The following SEMA3A variants were observed in gnomAD, a reference collection of about 807,000 sequenced individuals.
The protein encoded by SEMA3A is semaphorin-3A.
Under a neutral mutation model 97.9 loss-of-function variants are expected in SEMA3A, and 29 were observed. The ratio of observed to expected loss-of-function variants is 0.30; its 90% CI spans 0.22 to 0.40. SEMA3A has a LOEUF of 0.40. Among genes scored for constraint, SEMA3A ranks in the 10% least tolerant of loss-of-function variants. The pLI is 1.00. For synonymous variants in SEMA3A, 321 were observed against 323.7 expected (o/e 0.99, Z 0.09); for missense variants, 763 against 951.3 (o/e 0.80, Z 2.60).
intron 1 of SEMA3A, among the ~76,000 whole-genome samples, chr7:84,400,573 C>T (rs1381958926): frequency 6.6e-6 from 1 of 152,032 alleles, no homozygotes; most frequent in African/African-American, 2.4e-5. Flanking sequence ...AGTCAGGATA[C>T]TTGAAAGTTA....
intron 1 of SEMA3A, among the ~76,000 whole-genome samples, chr7:84,158,915 G>C (rs540390213): frequency 3.3e-5 from 5 of 152,110 alleles, no homozygotes; most frequent in African/African-American, 1.2e-4. Flanking sequence ...AGTTTCTGTA[G>C]ATGACAAGCA....
At chr7:84,005,665 A>G in intron 10 of SEMA3A, 107 bp from the exon 11 acceptor site, 1 of 767,248 alleles carries the variant, frequency 1.3e-6, no homozygotes, top group East Asian at 2.8e-5. Context: ...ATAGTAGTGC[A>G]GGCCAGGTAT....
intron 2 of SEMA3A, among the ~76,000 whole-genome samples, chr7:84,131,444 T>C (rs1257239888): frequency 6.6e-6 from 1 of 152,174 alleles, no homozygotes; most frequent in Non-Finnish European, 1.5e-5. Flanking sequence ...CTTCCACTCA[T>C]GGCAGGCCCA....
In SEMA3A at chr7:84,046,531, T is replaced by C. The variant is rs1792359776; in HGVS notation, c.548-88A>G. 4 of 1,483,664 alleles carry C rather than the reference T, an allele frequency of 2.7e-6. No individual in the cohort carries two copies. In the South Asian group the frequency reaches 3.6e-5, roughly 13 times the overall value. The allele number at this position is 1,483,664 out of a possible 1,614,324, so 91.9% of individuals were successfully genotyped here. Reference sequence around the variant, plus strand: ...CAAAACAAACAAAATGCAAGTTTCATGTTATGACCATGCTAAGAGGAAAAC... The same window carrying C: ...CAAAACAAACAAAATGCAAGTTTCACGTTATGACCATGCTAAGAGGAAAAC... On this transcript the variant is annotated intron_variant, in intron 5 of 16. Transcript: ENST00000265362.
chr7:84,144,073 A>G (rs1796394625), intron 1 of SEMA3A, among the ~76,000 whole-genome samples: 1 of 151,890 alleles, frequency 6.6e-6, no homozygotes, highest in Admixed American at 6.6e-5. Context: ...AGTGAAAGGT[A>G]TGAATACCAG....
At chr7:84,166,516 A>G (rs1193140450) in intron 1 of SEMA3A, among the ~76,000 whole-genome samples, 2 of 149,218 alleles carry the variant, frequency 1.3e-5, no homozygotes, top group Non-Finnish European at 3.0e-5. Context: ...GGTTGCAGTG[A>G]GCCGAGATTG....
rs556839277 is a variant in SEMA3A at position 84,138,118 on chromosome 7, C to T, written c.113-3167G>A. ...CTAGTAAGCACTCAATTAAATATTT[C>T]CTGTTTGTATAAGTAGAAGTTAAAT... On this transcript the variant is annotated intron_variant, in intron 1 of 16. Transcript: ENST00000265362. Among the ~76,000 whole-genome samples, 13 of 152,222 alleles carry T rather than the reference C, an allele frequency of 8.5e-5. No homozygotes were observed. The South Asian group carries it at 2.3e-3, about 27-fold the overall frequency.
chr7:83,963,547 G>C (rs1474496873), intron 15 of SEMA3A, among the ~76,000 whole-genome samples, 200 bp from the exon 16 acceptor site: 1 of 152,158 alleles, frequency 6.6e-6, no homozygotes, highest in Non-Finnish European at 1.5e-5. Context: ...ATTTTGGTAT[G>C]GGTTATATAA....
At chr7:84,436,892 T>G (rs902636317) in intron 1 of SEMA3A, among the ~76,000 whole-genome samples, 1 of 152,108 alleles carries the variant, frequency 6.6e-6, no homozygotes, top group African/African-American at 2.4e-5. Flanking sequence ...AACATTAAAT[T>G]TTAAGTGCAT....
intron 3 of SEMA3A, among the ~76,000 whole-genome samples, chr7:84,111,714 T>C (rs763734647): frequency 4.5e-4 from 69 of 151,994 alleles, no homozygotes; most frequent in Non-Finnish European, 7.2e-4. Flanking sequence ...ACTTTGGGGG[T>C]AACTAAAATA....
At chr7:84,457,414 G>A (rs1805712453) in intron 1 of SEMA3A, among the ~76,000 whole-genome samples, 1 of 151,826 alleles carries the variant, frequency 6.6e-6, no homozygotes, top group Non-Finnish European at 1.5e-5. Context: ...AATGGTGAAA[G>A]ATTTGATATT....
intron 4 of SEMA3A, among the ~76,000 whole-genome samples, chr7:84,064,054 G>A (rs1053476195): frequency 6.6e-6 from 1 of 152,180 alleles, no homozygotes; most frequent in Non-Finnish European, 1.5e-5. Context: ...AAGCCCATCA[G>A]ACTAACAGCT....
At chr7:84,266,173 T>C (rs1454230973) in intron 3 of SEMA3A, among the ~76,000 whole-genome samples, 1 of 151,544 alleles carries the variant, frequency 6.6e-6, no homozygotes. Context: ...ACAAAAAAAT[T>C]AGCCAGGCAT....
intron 1 of SEMA3A, among the ~76,000 whole-genome samples, chr7:84,404,483 CAGG>C (rs1804011143): frequency 6.6e-6 from 1 of 152,088 alleles, no homozygotes; most frequent in African/African-American, 2.4e-5. Context: ...GGATATTATC[CAGG>C]AGAACTTCCC....
chr7:84,209,086 T>C (rs1798563731), intron 3 of SEMA3A, among the ~76,000 whole-genome samples: 1 of 152,254 alleles, frequency 6.6e-6, no homozygotes, highest in Non-Finnish European at 1.5e-5. Flanking sequence ...TTTTATTTCA[T>C]GTATGCTATG....
chr7:84,224,711 T>G (rs1258960537), intron 3 of SEMA3A, among the ~76,000 whole-genome samples: 1 of 152,064 alleles, frequency 6.6e-6, no homozygotes, highest in Admixed American at 6.6e-5. Flanking sequence ...TAAATAGTAT[T>G]TGTTGTCACA....
At chr7:84,124,886 TTAAAA>T (rs1378374228) in intron 3 of SEMA3A, among the ~76,000 whole-genome samples, 2 of 151,586 alleles carry the variant, frequency 1.3e-5, no homozygotes, top group African/African-American at 4.8e-5. Flanking sequence ...TAACTGAAAA[TTAAAA>T]TAAATTTTAA....
intron 3 of SEMA3A, among the ~76,000 whole-genome samples, chr7:84,206,380 T>C (rs1424262582): frequency 1.3e-5 from 2 of 148,488 alleles, no homozygotes; most frequent in African/African-American, 2.5e-5. Flanking sequence ...TGGAGTGCAG[T>C]GGCATGATCT....
intron 3 of SEMA3A, among the ~76,000 whole-genome samples, chr7:84,118,778 T>A (rs556446851): frequency 6.6e-6 from 1 of 152,320 alleles, no homozygotes; most frequent in African/African-American, 2.4e-5. Context: ...CATAAACAAC[T>A]GTAGTTACCT....
Sources: gnomAD v4.1 joint callset for allele counts (sites outside exome capture counted in the v4.1 genomes callset) on GRCh38, gnomAD v4.1.1 for gene constraint, MANE v1.5 for transcripts, NCBI Gene and HGNC (gene_info 2026-07-23, HGNC 2026-07-21) for gene names.